The following KCNQ1OT1 variants were observed in gnomAD, a reference collection of about 807,000 sequenced individuals.
KCNQ1OT1 encodes KCNQ1 antisense RNA 2 (non-protein coding).
rs1401001460 is a variant in KCNQ1OT1, at chr11:2,645,776, C to T, written n.54219G>A. 1.5e-5 allele frequency: 6 copies of T among 398,696 alleles called. No individual in the cohort carries two copies. Among genetic ancestry groups the T allele is most frequent in the Non-Finnish European group, 2.7e-5 (6 of 226,176 alleles). 24.7% of individuals were successfully genotyped at this position (398,696 alleles called of 1,614,324 possible). A position where few individuals can be genotyped will look rare whatever the true frequency, so the allele number is the denominator to read the frequency against. Reference sequence around the variant, plus strand: ...ATGAGATAGAGGGATGTGGGGCCCACAGCAGATGCAGTCTGGTGGGGGTTG... The same window carrying T: ...ATGAGATAGAGGGATGTGGGGCCCATAGCAGATGCAGTCTGGTGGGGGTTG... On this transcript the variant is annotated non_coding_transcript_exon_variant, in exon 1 of 1. Transcript: ENST00000597346. The surrounding 1 kb of genome is among the most constrained non-coding windows in gnomAD (Gnocchi z 5.8).
chr11:2,632,188 A>AG, exon 1 of KCNQ1OT1: 2 of 390,782 alleles, frequency 5.1e-6, no homozygotes, highest in Admixed American at 8.9e-5. Context: ...GCCTCAAAAA[A>AG]AAAAAAAAAA....
At chr11:2,656,881 G>A (rs1849859670) in exon 1 of KCNQ1OT1, 1 of 398,462 alleles carries the variant, frequency 2.5e-6, no homozygotes, top group African/African-American at 2.1e-5. Flanking sequence ...AGAATGACAA[G>A]AATGAATTTT....
chr11:2,614,396 C>T (rs1004825074), exon 1 of KCNQ1OT1: 16 of 398,360 alleles, frequency 4.0e-5, no homozygotes, highest in African/African-American at 3.3e-4. Context: ...ATGTACAATT[C>T]AGTGTCACTT....
At chr11:2,696,229 C>T (rs1167958941) in exon 1 of KCNQ1OT1, 2 of 398,570 alleles carry the variant, frequency 5.0e-6, no homozygotes, top group Non-Finnish European at 8.8e-6. Context: ...TCCTATTAAA[C>T]AAATGGCAAC....
exon 1 of KCNQ1OT1, chr11:2,614,033 G>A: frequency 2.5e-6 from 1 of 398,548 alleles, no homozygotes; most frequent in Non-Finnish European, 4.4e-6. Flanking sequence ...ATTCCTTAGT[G>A]TGACTGTGCT....
rs1849228179 is a variant in KCNQ1OT1 at position 2,624,370 on chromosome 11, C to T, written n.75625G>A. On this transcript the variant is annotated non_coding_transcript_exon_variant, in exon 1 of 1. Coordinates refer to ENST00000597346, the Ensembl canonical transcript of KCNQ1OT1. The surrounding 1 kb of genome is among the most constrained non-coding windows in gnomAD (Gnocchi z 4.9). ...TATTGTCTCCCTTCTGTGGCCTGTC[C>T]TTTCATCCTCTTGACAGTATGTTTT... 1.3e-5 allele frequency: 5 copies of T among 398,304 alleles called. No individual in the cohort carries two copies. Among genetic ancestry groups the T allele is most frequent in the Middle Eastern group, 6.2e-4 (1 of 1,610 alleles). The allele number at this position is 398,304 out of a possible 1,614,324, so 24.7% of individuals were successfully genotyped here. A position where few individuals can be genotyped will look rare whatever the true frequency, so the allele number is the denominator to read the frequency against.
exon 1 of KCNQ1OT1, chr11:2,625,096 A>G (rs1397597399): frequency 1.8e-5 from 7 of 398,494 alleles, no homozygotes; most frequent in Non-Finnish European, 2.7e-5. Flanking sequence ...GGGTGTATAC[A>G]CAGAGGTGGA....
exon 1 of KCNQ1OT1, chr11:2,675,016 C>A (rs968330162): frequency 1.8e-5 from 7 of 398,516 alleles, no homozygotes; most frequent in Non-Finnish European, 3.1e-5. Flanking sequence ...TCCCGCCTGA[C>A]TTCTCTGCCA....
exon 1 of KCNQ1OT1, chr11:2,681,690 C>G (rs1850400896): frequency 2.5e-6 from 1 of 396,798 alleles, no homozygotes; most frequent in Non-Finnish European, 4.4e-6. Flanking sequence ...GACCAGGCTG[C>G]CGTTGCTTCC....
chr11:2,620,808 C>T lies in KCNQ1OT1; in HGVS notation n.79187G>A, dbSNP rs1849156862. The T allele has an allele frequency of 5.0e-6, 2 of 398,474 alleles. No individual in the cohort carries two copies. The highest frequency in any genetic ancestry group is 8.8e-6 in the Non-Finnish European group (2 of 226,078). 24.7% of individuals were successfully genotyped at this position (398,474 alleles called of 1,614,324 possible). ...CTGAACTAATTTGTATTCCTGCCAA[C>T]AGTGTATAAGCGTTCCCTTTTCTCT... On this transcript the variant is annotated non_coding_transcript_exon_variant, in exon 1 of 1. Coordinates refer to ENST00000597346, the Ensembl canonical transcript of KCNQ1OT1. The surrounding 1 kb of genome is among the most constrained non-coding windows in gnomAD (Gnocchi z 4.5).
At position 2,647,489 on chromosome 11, in the gene KCNQ1OT1, T is replaced by C. The variant is rs917355459; in HGVS notation, n.52506A>G. 1 of 398,490 alleles carries C rather than the reference T, an allele frequency of 2.5e-6. No homozygotes were observed. Among genetic ancestry groups the C allele is most frequent in the Admixed American group, 4.4e-5 (1 of 22,716 alleles). The allele number at this position is 398,490 out of a possible 1,614,324, so 24.7% of individuals were successfully genotyped here. A position where few individuals can be genotyped will look rare whatever the true frequency, so the allele number is the denominator to read the frequency against. ...CTGTTATTGTGTCCTTATCTGGTTT[T>C]GGTATCAAGATACTGCTTGCCTCAC... On this transcript the variant is annotated non_coding_transcript_exon_variant, in exon 1 of 1. Transcript: ENST00000597346. The surrounding 1 kb of genome is among the most constrained non-coding windows in gnomAD (Gnocchi z 4.0).
exon 1 of KCNQ1OT1, chr11:2,643,159 A>T (rs1849606061): frequency 2.5e-6 from 1 of 398,170 alleles, no homozygotes; most frequent in Non-Finnish European, 4.4e-6. Flanking sequence ...ACTGGTCTGT[A>T]AATGTCTGTT....
rs183286068 is a variant in KCNQ1OT1, at chr11:2,669,223, G to A, written n.30772C>T. The A allele has an allele frequency of 4.1e-3, 1,618 of 398,658 alleles. 38 individuals are homozygous for A. The Admixed American group carries it at 0.05, about 12-fold the overall frequency. The allele number at this position is 398,658 out of a possible 1,614,324, so 24.7% of individuals were successfully genotyped here. A position where few individuals can be genotyped will look rare whatever the true frequency, so the allele number is the denominator to read the frequency against. The stretch of plus-strand genomic sequence containing the variant: ...GTTTGCTAACAGGTTTTGACAGCTG[G>A]TCCTGCTGGCTCTGGCTGCTTCTCC... On this transcript the variant is annotated non_coding_transcript_exon_variant, in exon 1 of 1. Transcript: ENST00000597346. The surrounding 1 kb of genome is among the most constrained non-coding windows in gnomAD (Gnocchi z 5.6).
At chr11:2,622,633 CTTTT>C in exon 1 of KCNQ1OT1, 1 of 398,456 alleles carries the variant, frequency 2.5e-6, no homozygotes, top group Non-Finnish European at 4.4e-6. Context: ...CCCTTACTGC[CTTTT>C]TTTGTGTTTG....
chr11:2,658,327 C>A lies in KCNQ1OT1; in HGVS notation n.41668G>T. On this transcript the variant is annotated non_coding_transcript_exon_variant, in exon 1 of 1. Transcript: ENST00000597346. This position sits in a 1 kb window ranked among gnomAD's most constrained non-coding sequence, Gnocchi z 4.9. ...ATAAGGAAGATTTGTCCCTCTCCTCCAATTGTTTATTTAATTTTATCAGTG... is the reference window on the plus strand; with the variant it reads ...ATAAGGAAGATTTGTCCCTCTCCTCAAATTGTTTATTTAATTTTATCAGTG... 1 of 398,436 alleles carries A rather than the reference C, an allele frequency of 2.5e-6. No individual in the cohort carries two copies. The highest frequency in any genetic ancestry group is 4.4e-6 in the Non-Finnish European group (1 of 226,034). 24.7% of individuals were successfully genotyped at this position (398,436 alleles called of 1,614,324 possible). A position where few individuals can be genotyped will look rare whatever the true frequency, so the allele number is the denominator to read the frequency against.
At position 2,618,562 on chromosome 11, in the gene KCNQ1OT1, T is replaced by G. The variant is rs1589984699; in HGVS notation, n.81433A>C. On this transcript the variant is annotated non_coding_transcript_exon_variant, in exon 1 of 1. Transcript: ENST00000597346. ...CTATTCTGTTCCACTGGTCTACATG[T>G]TTGTTTTTTATGCCAGGACCATACT... is the stretch of plus-strand genomic sequence containing the variant. 51 of 398,476 alleles carry G rather than the reference T, an allele frequency of 1.3e-4. No individual in the cohort carries two copies. In the East Asian group the frequency reaches 1.8e-3, roughly 14 times the overall value. 24.7% of individuals were successfully genotyped at this position (398,476 alleles called of 1,614,324 possible).
exon 1 of KCNQ1OT1, chr11:2,637,139 G>C (rs945729041): frequency 1.3e-5 from 2 of 151,996 alleles, no homozygotes; most frequent in East Asian, 3.9e-4. Flanking sequence ...CCACCTCCTG[G>C]ATTCATTGAT....
rs925432994 is a variant in KCNQ1OT1 at position 2,698,719 on chromosome 11, G to A, written n.1276C>T. 1.3e-5 allele frequency: 5 copies of A among 398,566 alleles called. No homozygotes were observed. Among genetic ancestry groups the A allele is most frequent in the African/African-American group, 4.1e-5 (2 of 48,496 alleles). 24.7% of individuals were successfully genotyped at this position (398,566 alleles called of 1,614,324 possible). ...CAGACTCCAGACCCTGACTCCAGTC[G>A]CCAACTCGGACCTCCCTTGGATCTC... is the stretch of plus-strand genomic sequence containing the variant. On this transcript the variant is annotated non_coding_transcript_exon_variant, in exon 1 of 1. Coordinates refer to ENST00000597346, the Ensembl canonical transcript of KCNQ1OT1. The surrounding 1 kb of genome is among the most constrained non-coding windows in gnomAD (Gnocchi z 5.1).
rs1464265095 is a variant in KCNQ1OT1 at position 2,677,033 on chromosome 11, T to C, written n.22962A>G. Reference sequence around the variant, plus strand: ...ATTTATGGAACAGATCCTCTGTTGATGGATATGTAGGGCAGCTAAAAAACA... The same window carrying C: ...ATTTATGGAACAGATCCTCTGTTGACGGATATGTAGGGCAGCTAAAAAACA... On this transcript the variant is annotated non_coding_transcript_exon_variant, in exon 1 of 1. Transcript: ENST00000597346. The surrounding 1 kb of genome is among the most constrained non-coding windows in gnomAD (Gnocchi z 4.5). 2.5e-6 allele frequency: 1 copy of C among 398,538 alleles called. No homozygotes were observed. Among genetic ancestry groups the C allele is most frequent in the Non-Finnish European group, 4.4e-6 (1 of 226,072 alleles). The allele number at this position is 398,538 out of a possible 1,614,324, so 24.7% of individuals were successfully genotyped here.
Sources: allele counts gnomAD v4.1 joint callset, GRCh38; gene constraint gnomAD v4.1.1; non-coding constraint Gnocchi (gnomAD v3.1); transcripts MANE v1.5; gene names NCBI Gene and HGNC (gene_info 2026-07-23, HGNC 2026-07-21).